CD1A: variants seen among roughly 807,000 people sequenced by gnomAD.
The protein encoded by CD1A is CD1a molecule, also known as T-cell surface glycoprotein CD1a.
In CD1A, 50 loss-of-function variants were observed where a neutral mutation model predicts 38.3. The ratio of observed to expected loss-of-function variants is 1.30; its 90% CI spans 1.04 to 1.65. The LOEUF (loss-of-function observed/expected upper bound fraction) is 1.65, where lower values mean the gene tolerates loss of function less well. CD1A is among the 40% of genes most tolerant of loss of function. CD1A has a pLI of 0.00. For synonymous variants in CD1A, 160 were observed against 150.8 expected, an observed-to-expected ratio of 1.06 and a Z score of -0.45; for missense variants, 459 against 406.1, an observed-to-expected ratio of 1.13 and a Z score of -1.12.
chr1:158,249,401 A>T, the CD1A span, among the ~76,000 whole-genome samples: 2 of 152,088 alleles, frequency 1.3e-5, no homozygotes, highest in Non-Finnish European at 1.5e-5. Context: ...CACTTTCTGG[A>T]TGTGTCCTTA....
intron 5 of CD1A, 30 bp from the exon 6 acceptor site, chr1:158,257,651 A>T: frequency 6.2e-7 from 1 of 1,612,924 alleles, no homozygotes; most frequent in Non-Finnish European, 8.5e-7. Context: ...CACCTTATTC[A>T]GAGTGACTTC....
At chr1:158,255,501 G>C (rs1423682402) in intron 2 of CD1A, 151 bp downstream of exon 2, 1 of 804,524 alleles carries the variant, frequency 1.2e-6, no homozygotes, top group Non-Finnish European at 1.9e-6. Flanking sequence ...TTTGGGCAAG[G>C]GCTATCATCC....
At chr1:158,250,383 T>C (rs1650055142), upstream of CD1A, among the ~76,000 whole-genome samples, 1 of 152,122 alleles carries the variant, frequency 6.6e-6, no homozygotes, top group Non-Finnish European at 1.5e-5. Flanking sequence ...TAAGATAAAA[T>C]TATGAAGAAT....
Position 158,255,277 on chromosome 1 carries a change from A to T in CD1A, c.252A>T (p.Glu84Asp), listed in dbSNP as rs1650217691. The T allele has an allele frequency of 2.5e-6, 4 of 1,614,154 alleles. No individual in the cohort carries two copies. The Middle Eastern group carries it at 4.9e-4, about 200-fold the overall frequency. The change falls in exon 2 of 6, where the codon GAA becomes GAT. Residue 84 changes from glutamate to aspartate, a missense_variant. Physicochemically the swap from Glu to Asp is conservative, Grantham distance 45 (BLOSUM62 2). Transcript: ENST00000289429. ...GCAATGAGGAGTGGAAGGAACTGGA[A>T]ACATTATTCCGTATACGCACCATTC... ...NFSNEEWKEL[E>D]TLFRIRTIRS...
At chr1:158,253,803 T>A (rs1650147597), upstream of CD1A, among the ~76,000 whole-genome samples, 1 of 152,140 alleles carries the variant, frequency 6.6e-6, no homozygotes, top group Non-Finnish European at 1.5e-5. Context: ...GTATACAGTA[T>A]AATAAAACTC....
Position 158,255,326 on chromosome 1 carries a change from T to C in CD1A, c.301T>C (p.Tyr101His). 6.2e-7 allele frequency: 1 copy of C among 1,614,098 alleles called. No individual in the cohort carries two copies. Among genetic ancestry groups the C allele is most frequent in the Non-Finnish European group, 8.5e-7 (1 of 1,179,980 alleles). ...TCGGTCATTTGAGGGAATTCGTAGATACGCCCATGAATTGCAGTTTGAATG... is the reference window on the plus strand; with the variant it reads ...TCGGTCATTTGAGGGAATTCGTAGACACGCCCATGAATTGCAGTTTGAATG... ...TIRSFEGIRR[Y>H]AHELQFEYPF... The change falls in exon 2 of 6, where the codon TAC becomes CAC. Residue 101 changes from tyrosine to histidine, a missense_variant. Tyr to His is a moderately conservative substitution (Grantham distance 83, BLOSUM62 2). Transcript: ENST00000289429.
upstream of CD1A, among the ~76,000 whole-genome samples, chr1:158,249,735 G>C (rs1037497534): frequency 6.6e-6 from 1 of 152,144 alleles, no homozygotes; most frequent in African/African-American, 2.4e-5. Flanking sequence ...TGTTTAATTT[G>C]CTAATGTTGT....
chr1:158,255,038 CTT>C, intron 1 of CD1A, 44 bp from the exon 2 acceptor site: 1 of 1,596,292 alleles, frequency 6.3e-7, no homozygotes, highest in Non-Finnish European at 8.6e-7. Context: ...TCTCCATCCT[CTT>C]TCTCAATGTC....
upstream of CD1A, among the ~76,000 whole-genome samples, chr1:158,249,538 G>A (rs970579529): frequency 1.3e-5 from 2 of 152,052 alleles, no homozygotes; most frequent in Non-Finnish European, 2.9e-5. Context: ...ATAACATTGG[G>A]GGTTAGAATT....
In CD1A at chr1:158,257,288, A is replaced by G. The variant is rs545625136; in HGVS notation, c.884-133A>G. Reference sequence around the variant, plus strand: ...CTCTGAGCAGGGATGAGAGAAAAACATAGAAAAAAAGGAGATTGGTAAGTT... The same window carrying G: ...CTCTGAGCAGGGATGAGAGAAAAACGTAGAAAAAAAGGAGATTGGTAAGTT... On this transcript the variant is annotated intron_variant, in intron 4 of 5. Transcript: ENST00000289429. 9.7e-5 allele frequency: 93 copies of G among 963,618 alleles called. No homozygotes were observed. The African/African-American group carries it at 1.3e-3, about 14-fold the overall frequency. 59.7% of individuals were successfully genotyped at this position (963,618 alleles called of 1,614,324 possible).
In CD1A at chr1:158,257,827, C is replaced by T. The variant is rs1285045497; in HGVS notation, c.*137C>T. On this transcript the variant is annotated 3_prime_UTR_variant, in exon 6 of 6. Coordinates refer to ENST00000289429, the MANE Select transcript of CD1A (RefSeq NM_001763.3). ...CTTTGTAAAAATTTTGTTATTTTTG[C>T]TTGTTTCTGATTAATGATTGTTTGT... is the stretch of plus-strand genomic sequence containing the variant. 3 of 748,024 alleles carry T rather than the reference C, an allele frequency of 4.0e-6. No homozygotes were observed. The highest frequency in any genetic ancestry group is 6.9e-6 in the Non-Finnish European group (3 of 436,894). 46.3% of individuals were successfully genotyped at this position (748,024 alleles called of 1,614,324 possible).
In CD1A at chr1:158,258,085, A is replaced by T. The variant is rs1235248797; in HGVS notation, c.*395A>T. The T allele has an allele frequency of 5.4e-6, 1 of 185,454 alleles. No homozygotes were observed. Among genetic ancestry groups the T allele is most frequent in the East Asian group, 1.4e-4 (1 of 7,126 alleles). The allele number at this position is 185,454 out of a possible 1,614,324, so 11.5% of individuals were successfully genotyped here. A position where few individuals can be genotyped will look rare whatever the true frequency, so the allele number is the denominator to read the frequency against. On this transcript the variant is annotated 3_prime_UTR_variant, in exon 6 of 6. Transcript: ENST00000289429. ...TGAACTCCCGCCACATTTTAGCCGTACTTTGCTAACTGTGCTCCTCACTTC... is the reference window on the plus strand; with the variant it reads ...TGAACTCCCGCCACATTTTAGCCGTTCTTTGCTAACTGTGCTCCTCACTTC...
intron 2 of CD1A, 136 bp from the exon 3 acceptor site, chr1:158,255,868 G>C (rs1650240830): frequency 1.3e-6 from 1 of 769,474 alleles, no homozygotes; most frequent in Non-Finnish European, 2.1e-6. Context: ...CTCTTTCTCT[G>C]AATCCCTGAC....
Position 158,255,370 on chromosome 1 carries a change from T to C in CD1A, c.325+20T>C. On this transcript the variant is annotated intron_variant, in intron 2 of 5. Coordinates refer to ENST00000289429, the MANE Select transcript of CD1A (RefSeq NM_001763.3). ...TTGAATGTGAGTTCAGTTTTCTCCA[T>C]GGAGAGTGGTGAGGTGGGAGAGAGG... 9 of 1,611,098 alleles carry C rather than the reference T, an allele frequency of 5.6e-6. No individual in the cohort carries two copies. The highest frequency in any genetic ancestry group is 1.7e-5 in the Admixed American group (1 of 59,998).
chr1:158,252,506 G>C (rs1650116379), upstream of CD1A, among the ~76,000 whole-genome samples: 1 of 151,862 alleles, frequency 6.6e-6, no homozygotes, highest in African/African-American at 2.4e-5. Flanking sequence ...TTATATTTTG[G>C]GTTAACTGGT....
At chr1:158,255,833 C>T (rs1650239610) in intron 2 of CD1A, among the ~76,000 whole-genome samples, 171 bp from the exon 3 acceptor site, 1 of 152,134 alleles carries the variant, frequency 6.6e-6, no homozygotes. Context: ...TAATCTTTTC[C>T]TCCACCTACA....
the CD1A span, among the ~76,000 whole-genome samples, chr1:158,248,913 G>C: frequency 2.0e-5 from 3 of 152,128 alleles, no homozygotes; most frequent in African/African-American, 7.2e-5. Flanking sequence ...GCTCTCACCA[G>C]CTGCTGCCTG....
chr1:158,254,999 C>T, intron 1 of CD1A, 85 bp from the exon 2 acceptor site: 1 of 1,365,384 alleles, frequency 7.3e-7, no homozygotes, highest in East Asian at 2.3e-5. Context: ...TCTCCAGATT[C>T]TGAGTTCCCG....
In CD1A at chr1:158,257,848, T is replaced by A; in HGVS notation, c.*158T>A. ...TTTGCTTGTTTCTGATTAATGATTG[T>A]TTGTCAATATAAGCTCAATTTAATT... is the stretch of plus-strand genomic sequence containing the variant. On this transcript the variant is annotated 3_prime_UTR_variant, in exon 6 of 6. Coordinates refer to ENST00000289429, the MANE Select transcript of CD1A (RefSeq NM_001763.3). The A allele has an allele frequency of 3.0e-6, 2 of 667,072 alleles. No homozygotes were observed. The highest frequency in any genetic ancestry group is 5.3e-6 in the Non-Finnish European group (2 of 376,172). The allele number at this position is 667,072 out of a possible 1,614,324, so 41.3% of individuals were successfully genotyped here.
Sources: allele counts gnomAD v4.1 joint callset (sites outside exome capture counted in the v4.1 genomes callset), GRCh38; gene constraint gnomAD v4.1.1; transcripts MANE v1.5; gene names NCBI Gene and HGNC (gene_info 2026-07-23, HGNC 2026-07-21).